LRRTM4: variants seen among roughly 807,000 people sequenced by gnomAD.
The protein encoded by LRRTM4 is leucine rich repeat transmembrane neuronal 4.
A neutral mutation model predicts 47.6 loss-of-function variants in LRRTM4; 25 were observed. That is an observed-to-expected ratio of 0.53 (90% confidence interval 0.38 to 0.73). LRRTM4 has a LOEUF of 0.73. Among genes scored for constraint, LRRTM4 ranks in the 30% least tolerant of loss-of-function variants. The pLI is 0.00. For missense variants in LRRTM4, 638 were observed against 713.4 expected, an observed-to-expected ratio of 0.89 and a Z score of 1.20; for synonymous variants, 311 against 269.5, an observed-to-expected ratio of 1.15 and a Z score of -1.51.
At chr2:76,759,036 A>T (rs2104076029) in intron 3 of LRRTM4, among the ~76,000 whole-genome samples, 1 of 152,144 alleles carries the variant, frequency 6.6e-6, no homozygotes, top group East Asian at 1.9e-4. Context: ...TTTTCATTTG[A>T]TTTTTTTGTT....
At chr2:77,209,489 G>A (rs1674233814) in intron 3 of LRRTM4, among the ~76,000 whole-genome samples, 1 of 151,446 alleles carries the variant, frequency 6.6e-6, no homozygotes, top group Non-Finnish European at 1.5e-5. Flanking sequence ...CACAAAAATT[G>A]CAATTCTTGG....
chr2:77,481,795 A>T lies in LRRTM4; in HGVS notation c.1551+36523T>A, dbSNP rs143549618. Among the ~76,000 whole-genome samples the T allele has an allele frequency of 1.4e-4, 21 of 152,330 alleles. No individual in the cohort carries two copies. In the East Asian group the frequency reaches 4.1e-3, roughly 29 times the overall value. On this transcript the variant is annotated intron_variant, in intron 3 of 3. Transcript: ENST00000409884. Reference sequence around the variant, plus strand: ...TTTTTCCAAAAATGTGTGACTATCCAAAGGATGAAGGCAACAGCTTTAGGT... The same window carrying T: ...TTTTTCCAAAAATGTGTGACTATCCTAAGGATGAAGGCAACAGCTTTAGGT...
chr2:76,798,168 C>T lies in LRRTM4; in HGVS notation c.1552-49252G>A, dbSNP rs185479418. Among the ~76,000 whole-genome samples the T allele has an allele frequency of 3.3e-3, 498 of 152,220 alleles. 2 individuals are homozygous for T. Among genetic ancestry groups the T allele is most frequent in the Non-Finnish European group, 5.0e-3 (343 of 68,022 alleles). ...ATACATTTTTTTCAGCACCGCACCA[C>T]ACCTATTCCAAAATTGACCACATAC... is the stretch of plus-strand genomic sequence containing the variant. On this transcript the variant is annotated intron_variant, in intron 3 of 3. Coordinates refer to ENST00000409884, the MANE Select transcript of LRRTM4 (RefSeq NM_001134745.3).
intron 3 of LRRTM4, among the ~76,000 whole-genome samples, chr2:77,185,196 G>A (rs1442092139): frequency 2.0e-5 from 3 of 152,142 alleles, no homozygotes; most frequent in African/African-American, 7.2e-5. Context: ...AAGCTTAGAA[G>A]ACACCCTGTA....
intron 3 of LRRTM4, among the ~76,000 whole-genome samples, chr2:77,222,539 C>A (rs1178775365): frequency 3.3e-5 from 5 of 152,118 alleles, no homozygotes; most frequent in Admixed American, 3.3e-4. Context: ...CCGCCAATCC[C>A]ACAGAACTAC....
chr2:77,211,213 G>T (rs535332607), intron 3 of LRRTM4, among the ~76,000 whole-genome samples: 7 of 152,310 alleles, frequency 4.6e-5, no homozygotes, highest in Non-Finnish European at 8.8e-5. Flanking sequence ...AGGACAAAGA[G>T]AAACTATTAT....
chr2:77,156,183 C>G (rs1672554702), intron 3 of LRRTM4, among the ~76,000 whole-genome samples: 1 of 151,758 alleles, frequency 6.6e-6, no homozygotes, highest in Non-Finnish European at 1.5e-5. Flanking sequence ...AATTTATAAA[C>G]ACCATGAAAA....
intron 3 of LRRTM4, among the ~76,000 whole-genome samples, chr2:76,960,720 T>C (rs1360261934): frequency 6.6e-6 from 1 of 151,588 alleles, no homozygotes; most frequent in Non-Finnish European, 1.5e-5. Context: ...CTTATTGTCA[T>C]TTGTTATGTA....
At chr2:77,252,155 G>A (rs6713165) in intron 3 of LRRTM4, among the ~76,000 whole-genome samples, 83,088 of 151,874 alleles carry the variant, frequency 0.55, 23,094 homozygotes, top group African/African-American at 0.6. Flanking sequence ...ATTGCAATGG[G>A]TCTTGCTTTA....
chr2:77,452,419 G>A (rs1558749922), intron 3 of LRRTM4, among the ~76,000 whole-genome samples: 1 of 152,178 alleles, frequency 6.6e-6, no homozygotes, highest in Non-Finnish European at 1.5e-5. Flanking sequence ...TGTGTCATGA[G>A]CTCGCTTTAA....
chr2:76,885,881 G>T (rs188231996), intron 3 of LRRTM4, among the ~76,000 whole-genome samples: 10 of 151,714 alleles, frequency 6.6e-5, no homozygotes, highest in Non-Finnish European at 1.0e-4. Context: ...AAGTTTTCCA[G>T]ATCATAAAAA....
chr2:77,203,098 TATATATACACACACATATATAC>T (rs1674023273), intron 3 of LRRTM4, among the ~76,000 whole-genome samples: 1 of 151,958 alleles, frequency 6.6e-6, no homozygotes, highest in Non-Finnish European at 1.5e-5. Flanking sequence ...AGTAAATATA[TATATATACACACACATATATAC>T]ATATGTGTGT....
chr2:77,251,713 C>T (rs768880), intron 3 of LRRTM4, among the ~76,000 whole-genome samples: 83,190 of 152,030 alleles, frequency 0.55, 23,127 homozygotes, highest in African/African-American at 0.6. Context: ...TATATTTGAG[C>T]CAGAACTACT....
chr2:77,430,897 T>A (rs1399637041), intron 3 of LRRTM4, among the ~76,000 whole-genome samples: 1 of 148,108 alleles, frequency 6.8e-6, no homozygotes, highest in African/African-American at 2.6e-5. Context: ...TCCAATCAGA[T>A]GGGGGCCCAG....
At chr2:77,469,061 A>G (rs1248959399) in intron 3 of LRRTM4, among the ~76,000 whole-genome samples, 1 of 152,236 alleles carries the variant, frequency 6.6e-6, no homozygotes, top group East Asian at 1.9e-4. Context: ...GAGTACGGAA[A>G]CTGTCCTTTA....
chr2:76,921,834 A>G (rs1558739836), intron 3 of LRRTM4, among the ~76,000 whole-genome samples: 1 of 152,102 alleles, frequency 6.6e-6, no homozygotes, highest in Non-Finnish European at 1.5e-5. Context: ...AGAATCAGCC[A>G]TTTTTTATGG....
intron 3 of LRRTM4, among the ~76,000 whole-genome samples, chr2:77,398,552 A>C (rs1673797906): frequency 6.6e-6 from 1 of 151,890 alleles, no homozygotes; most frequent in Non-Finnish European, 1.5e-5. Flanking sequence ...GAACAACTTC[A>C]GTTTTCAGAA....
intron 3 of LRRTM4, among the ~76,000 whole-genome samples, chr2:77,073,605 G>T (rs1000058625): frequency 5.3e-5 from 8 of 151,952 alleles, no homozygotes; most frequent in Non-Finnish European, 1.2e-4. Flanking sequence ...TACACCAAAA[G>T]ATATTATTGA....
chr2:77,237,524 T>C (rs1336021731), intron 3 of LRRTM4, among the ~76,000 whole-genome samples: 1 of 152,148 alleles, frequency 6.6e-6, no homozygotes, highest in Non-Finnish European at 1.5e-5. Context: ...TTGTTGATTC[T>C]TTGTATGGAA....
Sources: gnomAD v4.1 joint callset for allele counts (sites outside exome capture counted in the v4.1 genomes callset) on GRCh38, gnomAD v4.1.1 for gene constraint, MANE v1.5 for transcripts, NCBI Gene and HGNC (gene_info 2026-07-23, HGNC 2026-07-21) for gene names.